Variants in SPATA12 observed in about 807,000 individuals in gnomAD.
SPATA12 encodes the protein spermatogenesis associated 12, also known as spermatogenesis-associated protein 12.
For synonymous variants in SPATA12, 85 were observed against 89.2 expected, an observed-to-expected ratio of 0.95 and a Z score of 0.26; for missense variants, 219 against 226.4, an observed-to-expected ratio of 0.97 and a Z score of 0.21.
In SPATA12 at chr3:57,068,174, C is replaced by CACACAG. The variant is rs1258690581; in HGVS notation, c.-329-5187_-329-5186insGACACA. ...ATATGCGCGCACACACACATACACA[C>CACACAG]ACACACACACACACACCAGGTTACC... On this transcript the variant is annotated intron_variant, in intron 1 of 1. Coordinates refer to ENST00000334325, the MANE Select transcript of SPATA12 (RefSeq NM_181727.2). Among the ~76,000 whole-genome samples the CACACAG allele has an allele frequency of 9.0e-3, 1,367 of 151,508 alleles. 31 individuals are homozygous for CACACAG. The highest frequency in any genetic ancestry group is 0.031 in the African/African-American group (1,299 of 41,258).
Position 57,068,829 on chromosome 3 carries a change from A to AC in SPATA12, c.-329-4531dup, listed in dbSNP as rs1370313227. On this transcript the variant is annotated intron_variant, in intron 1 of 1. Transcript: ENST00000334325. ...TTTCCATGTGCACACACACGCACAC[A>AC]CCCCCCTCACTAAAGGATGGAAACA... is the stretch of plus-strand genomic sequence containing the variant. 4.7e-5 allele frequency among the ~76,000 whole-genome samples: 7 copies of AC among 150,514 alleles called. No homozygotes were observed. The East Asian group carries it at 1.4e-3, about 29-fold the overall frequency.
At chr3:57,072,081 AC>A (rs747048129) in intron 1 of SPATA12, among the ~76,000 whole-genome samples, 80 of 152,308 alleles carry the variant, frequency 5.3e-4, no homozygotes, top group Non-Finnish European at 2.6e-4. Flanking sequence ...GCCACTTCAT[AC>A]CCACTTAGGA....
rs1402423198 is a variant in SPATA12, at chr3:57,074,215, T to C, written c.521T>C (p.Val174Ala). 1.9e-6 allele frequency: 3 copies of C among 1,614,062 alleles called. No individual in the cohort carries two copies. Among genetic ancestry groups the C allele is most frequent in the South Asian group, 2.2e-5 (2 of 91,068 alleles). The change falls in exon 2 of 2, where the codon GTC becomes GCC. Residue 174 changes from valine (V) to alanine (A), a missense_variant. Physicochemically the swap from Val to Ala is moderately conservative, Grantham distance 64 (BLOSUM62 0). Transcript: ENST00000334325. ...NQLTFTEGCFVRSLSTVYSNT... is the reference protein window; with the variant it reads ...NQLTFTEGCFARSLSTVYSNT... ...CTGACATTTACTGAGGGCTGCTTTG[T>C]CAGGTCCCTCTCTACAGTATACTCC...
At chr3:57,065,879 C>T (rs1433304399) in intron 1 of SPATA12, among the ~76,000 whole-genome samples, 1 of 152,080 alleles carries the variant, frequency 6.6e-6, no homozygotes, top group Non-Finnish European at 1.5e-5. Flanking sequence ...ATAAATGGCA[C>T]CTTTTACTTA....
rs1560180746 is a variant in SPATA12 at position 57,074,159 on chromosome 3, C to T, written c.465C>T (p.Pro155=). The stretch of plus-strand genomic sequence containing the variant: ...TGTGTGAGGATATAGATGCCGAGCC[C>T]AGTAGCACAGGGTGCAGCCGTTCAA... ...WRLCEDIDAE[P]SSTGCSRSNQ... is the part of the protein sequence containing the mutation. Residue 155 remains proline, a synonymous_variant, in exon 2 of 2, where the codon CCC becomes CCT. Transcript: ENST00000334325. 1 of 1,614,162 alleles carries T rather than the reference C, an allele frequency of 6.2e-7. No individual in the cohort carries two copies. Among genetic ancestry groups the T allele is most frequent in the Non-Finnish European group, 8.5e-7 (1 of 1,180,042 alleles).
Position 57,073,736 on chromosome 3 carries a change from G to A in SPATA12, c.42G>A (p.Lys14=). The change falls in exon 2 of 2, where the codon AAG becomes AAA. Residue 14 remains lysine, a synonymous_variant. Coordinates refer to ENST00000334325, the MANE Select transcript of SPATA12 (RefSeq NM_181727.2). The part of the protein sequence containing the change: ...SALTCGSTLE[K]SGDTWEMKAL... Reference sequence around the variant, plus strand: ...TGACTTGTGGGTCCACCTTAGAAAAGTCAGGAGACACCTGGGAAATGAAGG... The same window carrying A: ...TGACTTGTGGGTCCACCTTAGAAAAATCAGGAGACACCTGGGAAATGAAGG... 1.9e-6 allele frequency: 3 copies of A among 1,614,226 alleles called. No homozygotes were observed. Among genetic ancestry groups the A allele is most frequent in the Admixed American group, 3.3e-5 (2 of 60,028 alleles).
At position 57,073,649 on chromosome 3, in the gene SPATA12, G is replaced by A. The variant is rs1418491169; in HGVS notation, c.-46G>A. 1 of 1,570,622 alleles carries A rather than the reference G, an allele frequency of 6.4e-7. No individual in the cohort carries two copies. The highest frequency in any genetic ancestry group is 2.2e-5 in the East Asian group (1 of 44,582). On this transcript the variant is annotated 5_prime_UTR_variant, in exon 2 of 2. Transcript: ENST00000334325. The stretch of plus-strand genomic sequence containing the variant: ...CCTCAGGGATTGGCTCCGGCCAAGT[G>A]CCCCAGCCTCCTTTTCTGGAGAATT...
chr3:57,060,916 C>T (rs1023133178), intron 1 of SPATA12, 130 bp downstream of exon 1: 1 of 149,046 alleles, frequency 6.7e-6, no homozygotes, highest in African/African-American at 2.5e-5. Flanking sequence ...TAAGTTCAAT[C>T]TATAAAGAAA....
intron 1 of SPATA12, among the ~76,000 whole-genome samples, chr3:57,062,716 ACAC>A (rs908276569): frequency 1.3e-5 from 2 of 152,300 alleles, no homozygotes; most frequent in East Asian, 1.9e-4. Flanking sequence ...ACACACACAC[ACAC>A]AACAAACATG....
At chr3:57,062,546 A>G (rs1036072724) in intron 1 of SPATA12, among the ~76,000 whole-genome samples, 1 of 152,232 alleles carries the variant, frequency 6.6e-6, no homozygotes, top group African/African-American at 2.4e-5. Context: ...TGCATAATCT[A>G]CAATAGCAAA....
chr3:57,070,033 G>T (rs753974604), intron 1 of SPATA12, among the ~76,000 whole-genome samples: 3 of 152,130 alleles, frequency 2.0e-5, no homozygotes, highest in Non-Finnish European at 4.4e-5. Context: ...GGGGTGAGGG[G>T]CTAAGATTGT....
At chr3:57,066,260 T>C (rs183794941) in intron 1 of SPATA12, among the ~76,000 whole-genome samples, 28 of 151,328 alleles carry the variant, frequency 1.9e-4, no homozygotes, top group Admixed American at 1.6e-3. Flanking sequence ...ATTACACTTT[T>C]CCTTTCTTTC....
chr3:57,069,393 A>C (rs1189233687), intron 1 of SPATA12, among the ~76,000 whole-genome samples: 1 of 151,904 alleles, frequency 6.6e-6, no homozygotes, highest in East Asian at 1.9e-4. Flanking sequence ...ACACACACAC[A>C]CACACACACA....
In SPATA12 at chr3:57,073,440, A is replaced by G. The variant is rs1249946825; in HGVS notation, c.-255A>G. 6.6e-6 allele frequency: 3 copies of G among 456,358 alleles called. No homozygotes were observed. Among genetic ancestry groups the G allele is most frequent in the Non-Finnish European group, 1.1e-5 (3 of 267,244 alleles). 28.3% of individuals were successfully genotyped at this position (456,358 alleles called of 1,614,324 possible). A position where few individuals can be genotyped will look rare whatever the true frequency, so the allele number is the denominator to read the frequency against. Reference sequence around the variant, plus strand: ...GAAGCTGTGAAAGTGGACAAGCGTGAAAGAGCTTCCAAGTAGTGGAAACAG... The same window carrying G: ...GAAGCTGTGAAAGTGGACAAGCGTGGAAGAGCTTCCAAGTAGTGGAAACAG... On this transcript the variant is annotated 5_prime_UTR_variant, in exon 2 of 2. Coordinates refer to ENST00000334325, the MANE Select transcript of SPATA12 (RefSeq NM_181727.2).
rs1360283872 is a variant in SPATA12, at chr3:57,075,353, T to A, written c.*1086T>A. On this transcript the variant is annotated 3_prime_UTR_variant, in exon 2 of 2. Transcript: ENST00000334325. ...ATGCTGTCAGTTTCTTTGACTGCTGTGTGGTCAGTACCAGGGCAATGCCTC... is the reference window on the plus strand; with the variant it reads ...ATGCTGTCAGTTTCTTTGACTGCTGAGTGGTCAGTACCAGGGCAATGCCTC... 6.0e-6 allele frequency: 1 copy of A among 167,188 alleles called. No individual in the cohort carries two copies. Among genetic ancestry groups the A allele is most frequent in the Non-Finnish European group, 1.5e-5 (1 of 68,178 alleles). 10.4% of individuals were successfully genotyped at this position (167,188 alleles called of 1,614,324 possible).
At chr3:57,072,229 G>A (rs573791748) in intron 1 of SPATA12, among the ~76,000 whole-genome samples, 1 of 152,244 alleles carries the variant, frequency 6.6e-6, no homozygotes, top group Non-Finnish European at 1.5e-5. Flanking sequence ...AAAATGTTAA[G>A]AGTTACCATA....
chr3:57,067,903 T>C (rs34641352), intron 1 of SPATA12, among the ~76,000 whole-genome samples: 119 of 151,382 alleles, frequency 7.9e-4, no homozygotes, highest in African/African-American at 2.7e-3. Context: ...GGTAGGAGAA[T>C]GGCGTGAACC....
chr3:57,067,466 T>TAATAATAAA (rs1416923432), intron 1 of SPATA12, among the ~76,000 whole-genome samples: 3 of 146,960 alleles, frequency 2.0e-5, no homozygotes, highest in Admixed American at 1.4e-4. Flanking sequence ...ATAATAATAA[T>TAATAATAAA]AATAATAATA....
At chr3:57,062,522 C>T (rs1339170232) in intron 1 of SPATA12, among the ~76,000 whole-genome samples, 1 of 152,204 alleles carries the variant, frequency 6.6e-6, no homozygotes, top group African/African-American at 2.4e-5. Flanking sequence ...AGGGCAAGTG[C>T]CCAGCACAGA....
Sources: allele counts gnomAD v4.1 joint callset (sites outside exome capture counted in the v4.1 genomes callset), GRCh38; gene constraint gnomAD v4.1.1; transcripts MANE v1.5; gene names NCBI Gene and HGNC (gene_info 2026-07-23, HGNC 2026-07-21).